CTNNA3: variants seen among roughly 807,000 people sequenced by gnomAD.
CTNNA3 encodes the protein catenin alpha 3, also known as catenin alpha-3.
A neutral mutation model predicts 95.7 loss-of-function variants in CTNNA3; 76 were observed. The observed-to-expected ratio is 0.79, with a 90% CI of 0.66 to 0.96. The LOEUF is 0.96. Ranked by LOEUF, CTNNA3 falls within the 40% of genes least tolerant of loss-of-function variation. The probability of loss-of-function intolerance (pLI) is 0.00; values close to 1 mark genes in which losing one functional copy is unlikely to be tolerated. For synonymous variants in CTNNA3, 431 were observed against 374.4 expected (o/e 1.15, Z -1.74); for missense variants, 1,191 against 1,089.8 (o/e 1.09, Z -1.31).
chr10:66,115,351 G>T (rs1017351019), intron 13 of CTNNA3, among the ~76,000 whole-genome samples: 1 of 152,094 alleles, frequency 6.6e-6, no homozygotes, highest in African/African-American at 2.4e-5. Context: ...TCCCTGTTTT[G>T]TATGGTCTTT....
At chr10:66,920,348 AAATTCCAAATGTCAACT>A (rs1846725293) in intron 7 of CTNNA3, among the ~76,000 whole-genome samples, 1 of 152,230 alleles carries the variant, frequency 6.6e-6, no homozygotes, top group Non-Finnish European at 1.5e-5. Flanking sequence ...AATCAGTTCC[AAATTCCAAATGTCAACT>A]GACATATGCA....
At position 67,509,458 on chromosome 10, in the gene CTNNA3, T is replaced by G. The variant is rs1380876824; in HGVS notation, c.579+12384A>C. On this transcript the variant is annotated intron_variant, in intron 5 of 17. Coordinates refer to ENST00000433211, the MANE Select transcript of CTNNA3 (RefSeq NM_013266.4). ...CATGTGGTGTTTGGTTTTCTGTCCT[T>G]GTGATAGTTTGCTGAGGATAATGGT... 2.6e-5 allele frequency among the ~76,000 whole-genome samples: 4 copies of G among 152,142 alleles called. No individual in the cohort carries two copies. The East Asian group carries it at 7.7e-4, about 29-fold the overall frequency.
chr10:67,084,354 C>T (rs894617443), intron 7 of CTNNA3, among the ~76,000 whole-genome samples: 3 of 151,926 alleles, frequency 2.0e-5, no homozygotes, highest in African/African-American at 7.2e-5. Flanking sequence ...CAGTCACTAA[C>T]CATGACCAAG....
intron 11 of CTNNA3, among the ~76,000 whole-genome samples, chr10:66,516,211 T>A (rs916256905): frequency 6.6e-6 from 1 of 152,066 alleles, no homozygotes; most frequent in Non-Finnish European, 1.5e-5. Flanking sequence ...GATGCCATAA[T>A]CTGTGGGAGC....
At chr10:66,213,300 A>G (rs1442171093) in intron 13 of CTNNA3, among the ~76,000 whole-genome samples, 2 of 152,142 alleles carry the variant, frequency 1.3e-5, no homozygotes, top group African/African-American at 4.8e-5. Context: ...AATCCCCACT[A>G]CATCATGTCC....
chr10:66,610,486 G>A (rs1844291331), intron 10 of CTNNA3, among the ~76,000 whole-genome samples: 1 of 152,030 alleles, frequency 6.6e-6, no homozygotes, highest in South Asian at 2.1e-4. Context: ...GGAAAAAAAA[G>A]TCCCAAAGAC....
chr10:66,913,033 A>G (rs1846288812), intron 7 of CTNNA3, among the ~76,000 whole-genome samples: 1 of 152,002 alleles, frequency 6.6e-6, no homozygotes, highest in Non-Finnish European at 1.5e-5. Flanking sequence ...AGGTCAGGAG[A>G]TCGAGACCAT....
chr10:66,681,193 G>C (rs117261202), intron 9 of CTNNA3, among the ~76,000 whole-genome samples: 3,394 of 152,250 alleles, frequency 0.022, 51 homozygotes, highest in Non-Finnish European at 0.038. Context: ...TTACCCATTT[G>C]TTCATTATGT....
At chr10:65,959,468 G>A (rs567128573) in intron 17 of CTNNA3, among the ~76,000 whole-genome samples, 14 of 152,260 alleles carry the variant, frequency 9.2e-5, no homozygotes, top group Middle Eastern at 3.4e-3. Flanking sequence ...CTTCTGTATC[G>A]CTCATGCTGG....
Position 66,868,742 on chromosome 10 carries a change from C to G in CTNNA3, c.1048-93218G>C, listed in dbSNP as rs575210786. ...CTCCAGCTTGGGCAACAGAATGAGACTCCGTCTCAAAAAAAAAAAAAAAAA... is the reference window on the plus strand; with the variant it reads ...CTCCAGCTTGGGCAACAGAATGAGAGTCCGTCTCAAAAAAAAAAAAAAAAA... On this transcript the variant is annotated intron_variant, in intron 7 of 17. Coordinates refer to ENST00000433211, the MANE Select transcript of CTNNA3 (RefSeq NM_013266.4). 3.5e-5 allele frequency among the ~76,000 whole-genome samples: 3 copies of G among 86,348 alleles called. No individual in the cohort carries two copies. The East Asian group carries it at 1.2e-3, about 34-fold the overall frequency. 56.6% of individuals were successfully genotyped at this position (86,348 alleles called of 152,430 possible). A position where few individuals can be genotyped will look rare whatever the true frequency, so the allele number is the denominator to read the frequency against.
intron 12 of CTNNA3, among the ~76,000 whole-genome samples, chr10:66,288,710 G>T (rs765129480): frequency 2.6e-5 from 4 of 151,970 alleles, no homozygotes; most frequent in Non-Finnish European, 5.9e-5. Context: ...TCAAATATTT[G>T]CAAATCAATT....
intron 13 of CTNNA3, among the ~76,000 whole-genome samples, chr10:66,200,545 TGAA>T (rs1226630290): frequency 6.6e-6 from 1 of 152,180 alleles, no homozygotes; most frequent in Non-Finnish European, 1.5e-5. Flanking sequence ...AGTTCTATGA[TGAA>T]GTTCAGTATA....
intron 5 of CTNNA3, among the ~76,000 whole-genome samples, chr10:67,249,258 T>C (rs2132352979): frequency 6.6e-6 from 1 of 152,190 alleles, no homozygotes; most frequent in Admixed American, 6.5e-5. Context: ...AATTACTCAT[T>C]AAAAAATGGG....
chr10:66,355,037 G>C (rs1201707026), intron 12 of CTNNA3, among the ~76,000 whole-genome samples: 1 of 152,084 alleles, frequency 6.6e-6, no homozygotes, highest in African/African-American at 2.4e-5. Flanking sequence ...TATTCAGACA[G>C]GCCAGGCAGG....
intron 5 of CTNNA3, among the ~76,000 whole-genome samples, chr10:67,323,062 G>A (rs1841389163): frequency 6.6e-6 from 1 of 151,906 alleles, no homozygotes; most frequent in African/African-American, 2.4e-5. Flanking sequence ...ACTTTTTAAT[G>A]GGGTTGTTTT....
intron 11 of CTNNA3, among the ~76,000 whole-genome samples, chr10:66,477,303 G>C (rs1395030514): frequency 6.6e-6 from 1 of 151,958 alleles, no homozygotes; most frequent in Non-Finnish European, 1.5e-5. Context: ...TTGTATTTGG[G>C]TTTATCTTTT....
chr10:66,279,705 T>G (rs1022644648), intron 13 of CTNNA3, among the ~76,000 whole-genome samples: 1 of 152,094 alleles, frequency 6.6e-6, no homozygotes, highest in Non-Finnish European at 1.5e-5. Context: ...TCACTTTGTC[T>G]CACTTTCTCT....
intron 11 of CTNNA3, among the ~76,000 whole-genome samples, chr10:66,504,195 T>C (rs745817256): frequency 6.6e-6 from 1 of 152,094 alleles, no homozygotes; most frequent in Non-Finnish European, 1.5e-5. Flanking sequence ...TTAACCAACA[T>C]CTCCCCAGTC....
chr10:66,037,648 C>T (rs536359356), intron 15 of CTNNA3, among the ~76,000 whole-genome samples: 1 of 138,868 alleles, frequency 7.2e-6, no homozygotes, highest in South Asian at 2.7e-4. Context: ...ATGATACATT[C>T]TCATAGCAAA....
Sources: allele counts gnomAD v4.1 joint callset (sites outside exome capture counted in the v4.1 genomes callset), GRCh38; gene constraint gnomAD v4.1.1; transcripts MANE v1.5; gene names NCBI Gene and HGNC (gene_info 2026-07-23, HGNC 2026-07-21).